Variants in FAM135B observed in about 807,000 individuals in gnomAD.
FAM135B encodes the protein protein FAM135B.
A neutral mutation model predicts 127.7 loss-of-function variants in FAM135B; 43 were observed. The ratio of observed to expected loss-of-function variants is 0.34; its 90% confidence interval spans 0.26 to 0.43. FAM135B has a LOEUF of 0.43. FAM135B is among the 20% of genes least tolerant of loss of function. The pLI is 1.00. For synonymous variants in FAM135B, 670 were observed against 665.1 expected (o/e 1.01, Z -0.11); for missense variants, 1,558 against 1,725.6 (o/e 0.90, Z 1.72).
At chr8:138,253,220 G>A (rs956009377) in intron 5 of FAM135B, among the ~76,000 whole-genome samples, 1 of 152,166 alleles carries the variant, frequency 6.6e-6, no homozygotes, top group African/African-American at 2.4e-5. Flanking sequence ...TTGAAATAAA[G>A]AAGAATTTCC....
chr8:138,265,792 G>A lies in FAM135B; in HGVS notation c.208C>T (p.Arg70Trp), dbSNP rs1207869440. The A allele has an allele frequency of 4.3e-6, 7 of 1,613,866 alleles. No individual in the cohort carries two copies. Among genetic ancestry groups the A allele is most frequent in the African/African-American group, 1.3e-5 (1 of 74,882 alleles). The change falls in exon 4 of 20, where the codon CGG (arginine) becomes TGG (tryptophan). Residue 70 changes from arginine to tryptophan, a missense_variant. Coordinates refer to ENST00000395297, the MANE Select transcript of FAM135B (RefSeq NM_015912.4). ...TTCCGGTATAAGATCTGAAAGACCC[G>A]GCTGTGCACGGTGCTGTCATGGACA... is the stretch of plus-strand genomic sequence containing the variant. ...ACVHDSTVHS[R>W]VFQILYRNEE...
At chr8:138,367,615 C>G (rs759876839) in intron 2 of FAM135B, among the ~76,000 whole-genome samples, 2 of 151,918 alleles carry the variant, frequency 1.3e-5, no homozygotes, top group Non-Finnish European at 2.9e-5. Context: ...ATTCACTTCC[C>G]GTTAAAATTG....
intron 1 of FAM135B, among the ~76,000 whole-genome samples, chr8:138,465,123 G>C (rs550801336): frequency 6.6e-6 from 1 of 152,146 alleles, no homozygotes; most frequent in Non-Finnish European, 1.5e-5. Flanking sequence ...AAACCAAGCC[G>C]GGCTCTTGTG....
At chr8:138,338,544 T>G in intron 2 of FAM135B, among the ~76,000 whole-genome samples, 2 of 149,782 alleles carry the variant, frequency 1.3e-5, no homozygotes, top group African/African-American at 4.9e-5. Flanking sequence ...GAAATGCAAA[T>G]CAAAACCACA....
At chr8:138,197,113 GTGTGTATATA>G (rs762142259) in intron 8 of FAM135B, among the ~76,000 whole-genome samples, 1 of 58,700 alleles carries the variant, frequency 1.7e-5, no homozygotes. Flanking sequence ...GTGTGTGTGT[GTGTGTATATA>G]TATAGTTTTT....
At chr8:138,169,801 A>G (rs941726954) in intron 11 of FAM135B, among the ~76,000 whole-genome samples, 1 of 152,186 alleles carries the variant, frequency 6.6e-6, no homozygotes, top group Non-Finnish European at 1.5e-5. Context: ...GAAAAAAACA[A>G]GCGATTAAGC....
At chr8:138,443,149 G>C (rs1302568688) in intron 1 of FAM135B, among the ~76,000 whole-genome samples, 1 of 152,090 alleles carries the variant, frequency 6.6e-6, no homozygotes, top group Non-Finnish European at 1.5e-5. Flanking sequence ...GATCCACCCT[G>C]ATGCCAGGCC....
At chr8:138,357,027 G>T (rs1055611351) in intron 2 of FAM135B, among the ~76,000 whole-genome samples, 7 of 152,096 alleles carry the variant, frequency 4.6e-5, no homozygotes, top group African/African-American at 1.7e-4. Context: ...TGATAGAAGA[G>T]TTTGATCAAA....
At chr8:138,413,977 A>C (rs2131418290) in intron 1 of FAM135B, among the ~76,000 whole-genome samples, 1 of 151,856 alleles carries the variant, frequency 6.6e-6, no homozygotes, top group Admixed American at 6.6e-5. Flanking sequence ...CATCAACCTT[A>C]TTTTCAAGAG....
chr8:138,367,886 CAA>C lies in FAM135B; in HGVS notation c.77+19_77+20del, dbSNP rs1830854697. The stretch of plus-strand genomic sequence containing the variant: ...ACACACACACACACACACACACACA[CAA>C]ATTGTAAAGCATACTTACCCTCTCT... On this transcript the variant is annotated intron_variant, in intron 2 of 19. Coordinates refer to ENST00000395297, the MANE Select transcript of FAM135B (RefSeq NM_015912.4). The C allele has an allele frequency of 1.3e-6, 2 of 1,549,570 alleles. No homozygotes were observed.
intron 12 of FAM135B, among the ~76,000 whole-genome samples, chr8:138,166,873 G>C (rs898553135): frequency 6.6e-6 from 1 of 152,060 alleles, no homozygotes; most frequent in Admixed American, 6.6e-5. Flanking sequence ...CAATCAATCA[G>C]GAATATGGTA....
chr8:138,497,342 C>T (rs1328623610), upstream of FAM135B, among the ~76,000 whole-genome samples: 1 of 150,394 alleles, frequency 6.6e-6, no homozygotes, highest in Non-Finnish European at 1.5e-5. Context: ...GCGGGCCGCC[C>T]GGCGGCCAAA....
chr8:138,485,935 T>C (rs566012764), intron 1 of FAM135B, among the ~76,000 whole-genome samples: 1 of 152,220 alleles, frequency 6.6e-6, no homozygotes, highest in African/African-American at 2.4e-5. Flanking sequence ...GAAGAAAAGC[T>C]ATCTGAGTAG....
chr8:138,302,493 C>G (rs1308768600), intron 3 of FAM135B, among the ~76,000 whole-genome samples: 1 of 152,162 alleles, frequency 6.6e-6, no homozygotes, highest in Non-Finnish European at 1.5e-5. Context: ...GACCCTGGAG[C>G]CTTATCCCCT....
intron 2 of FAM135B, among the ~76,000 whole-genome samples, chr8:138,340,863 T>G (rs556669176): frequency 6.6e-6 from 1 of 152,168 alleles, no homozygotes; most frequent in African/African-American, 2.4e-5. Flanking sequence ...ATGGCCCTTC[T>G]TTCTCTTGGG....
chr8:138,204,534 T>C (rs371636671), intron 7 of FAM135B, among the ~76,000 whole-genome samples: 4 of 152,352 alleles, frequency 2.6e-5, no homozygotes, highest in African/African-American at 7.2e-5. Context: ...CATAGCATCC[T>C]CTACAGGGCA....
rs980155810 is a variant in FAM135B, at chr8:138,184,578, A to G, written c.874-5888T>C. On this transcript the variant is annotated intron_variant, in intron 9 of 19. Transcript: ENST00000395297. ...CCATTCCATGGGACGGGCCATAGGA[A>G]GGCAGTCTGGGTATTGCTGCCAAGG... Among the ~76,000 whole-genome samples the G allele has an allele frequency of 3.9e-5, 6 of 152,288 alleles. No individual in the cohort carries two copies. In the South Asian group the frequency reaches 1.0e-3, roughly 26 times the overall value.
chr8:138,443,086 A>G (rs1835901391), intron 1 of FAM135B, among the ~76,000 whole-genome samples: 2 of 152,132 alleles, frequency 1.3e-5, no homozygotes, highest in Non-Finnish European at 2.9e-5. Context: ...AGTAGGTCCT[A>G]TCTCAAGGCT....
At chr8:138,390,095 T>C (rs1360878138) in intron 1 of FAM135B, among the ~76,000 whole-genome samples, 2 of 152,204 alleles carry the variant, frequency 1.3e-5, no homozygotes, top group Non-Finnish European at 2.9e-5. Context: ...CAAATAAAAA[T>C]ATGACCAATA....
Sources: allele counts gnomAD v4.1 joint callset (sites outside exome capture counted in the v4.1 genomes callset), GRCh38; gene constraint gnomAD v4.1.1; transcripts MANE v1.5; gene names NCBI Gene and HGNC (gene_info 2026-07-23, HGNC 2026-07-21).